SND1: variants seen among roughly 807,000 people sequenced by gnomAD.
The protein encoded by SND1 is staphylococcal nuclease and tudor domain containing 1, also known as staphylococcal nuclease domain-containing protein 1.
Under a neutral mutation model 121.7 loss-of-function variants are expected in SND1, and 38 were observed. That is an observed-to-expected ratio of 0.31 (90% CI 0.24 to 0.41). The LOEUF is 0.41. Among genes scored for constraint, SND1 ranks in the 10% least tolerant of loss-of-function variants. SND1 has a pLI of 1.00. For synonymous variants in SND1, 401 were observed against 447.4 expected (o/e 0.90, Z 1.31); for missense variants, 868 against 1,184.6 (o/e 0.73, Z 3.92).
At chr7:127,778,620 T>A (rs894204049) in intron 10 of SND1, among the ~76,000 whole-genome samples, 18 of 152,250 alleles carry the variant, frequency 1.2e-4, no homozygotes, top group African/African-American at 4.3e-4. Context: ...TGACTAATCT[T>A]GGATGAGTTA....
intron 12 of SND1, among the ~76,000 whole-genome samples, chr7:127,847,866 A>C (rs1395228572): frequency 1.3e-5 from 2 of 152,180 alleles, no homozygotes; most frequent in Non-Finnish European, 2.9e-5. Flanking sequence ...TCTGGGTGTT[A>C]GGTCAAACTT....
chr7:127,823,299 C>G (rs985060691), intron 11 of SND1, among the ~76,000 whole-genome samples: 2 of 152,308 alleles, frequency 1.3e-5, no homozygotes, highest in Non-Finnish European at 2.9e-5. Flanking sequence ...GTCTTTTTCC[C>G]TCCCAGGTGC....
chr7:127,843,102 T>C (rs1335749260), intron 11 of SND1, among the ~76,000 whole-genome samples: 1 of 150,448 alleles, frequency 6.6e-6, no homozygotes, highest in African/African-American at 2.4e-5. Context: ...AAAATGGACT[T>C]TTTTTTTTAG....
chr7:128,063,387 C>T (rs1490234039), intron 16 of SND1, among the ~76,000 whole-genome samples: 3 of 152,186 alleles, frequency 2.0e-5, no homozygotes, highest in Non-Finnish European at 4.4e-5. Context: ...CACTGCTGGC[C>T]TCACTGACTG....
rs200968109 is a variant in SND1 at position 127,694,951 on chromosome 7, G to A, written c.349+3G>A. On this transcript the variant is annotated splice_donor_region_variant and intron_variant, in intron 3 of 23. Coordinates refer to ENST00000354725, the MANE Select transcript of SND1 (RefSeq NM_014390.4). ...TGGCATGATCTACCTTGGAAAAGGT[G>A]AGCTGCAGGGAGAGGACTCATTTCT... The A allele has an allele frequency of 5.2e-4, 836 of 1,610,396 alleles. No individual in the cohort carries two copies. Among genetic ancestry groups the A allele is most frequent in the Non-Finnish European group, 6.7e-4 (795 of 1,177,852 alleles).
intron 15 of SND1, among the ~76,000 whole-genome samples, chr7:127,969,858 A>G (rs1223437084): frequency 6.6e-6 from 1 of 152,240 alleles, no homozygotes; most frequent in East Asian, 1.9e-4. Flanking sequence ...CAAATTCTGG[A>G]TATGCCCTTT....
chr7:127,769,083 C>T (rs1478474951), intron 10 of SND1, among the ~76,000 whole-genome samples: 1 of 152,106 alleles, frequency 6.6e-6, no homozygotes, highest in East Asian at 1.9e-4. Flanking sequence ...TGAATTGCTC[C>T]TGGATAAGTT....
At chr7:127,731,998 G>T (rs2116413052) in intron 10 of SND1, among the ~76,000 whole-genome samples, 1 of 152,298 alleles carries the variant, frequency 6.6e-6, no homozygotes, top group African/African-American at 2.4e-5. Context: ...TCTCTCTCTT[G>T]TCTCTTTATC....
chr7:127,717,954 A>G (rs1033299688), intron 9 of SND1, among the ~76,000 whole-genome samples: 7 of 152,182 alleles, frequency 4.6e-5, no homozygotes, highest in African/African-American at 1.7e-4. Flanking sequence ...GAGGCTGAAG[A>G]TAGGCATGGA....
intron 14 of SND1, among the ~76,000 whole-genome samples, chr7:127,910,279 A>C (rs908201687): frequency 2.0e-5 from 3 of 151,976 alleles, no homozygotes; most frequent in African/African-American, 7.3e-5. Context: ...ATCTCTACTA[A>C]AAAATACCAA....
intron 11 of SND1, among the ~76,000 whole-genome samples, chr7:127,821,751 T>C (rs1798553929): frequency 6.6e-6 from 1 of 152,190 alleles, no homozygotes; most frequent in South Asian, 2.1e-4. Context: ...AGCACATATA[T>C]GGATAAAGCA....
chr7:127,759,021 T>G (rs1372469549), intron 10 of SND1, among the ~76,000 whole-genome samples: 1 of 151,700 alleles, frequency 6.6e-6, no homozygotes, highest in African/African-American at 2.4e-5. Context: ...GCCACTGCAC[T>G]CTGGCCTGGG....
In SND1 at chr7:128,084,944, A is replaced by T. The variant is rs1584780893; in HGVS notation, c.2234+97A>T. 4.5e-6 allele frequency: 6 copies of T among 1,322,010 alleles called. No individual in the cohort carries two copies. The East Asian group carries it at 1.6e-4, about 35-fold the overall frequency. 81.9% of individuals were successfully genotyped at this position (1,322,010 alleles called of 1,614,324 possible). ...GTTGCCTTAGCAGTCTGGTTTCCCC[A>T]GCTGGTTAATGATGGCCCCTAGCAG... is the stretch of plus-strand genomic sequence containing the variant. On this transcript the variant is annotated intron_variant, in intron 19 of 23. Coordinates refer to ENST00000354725, the MANE Select transcript of SND1 (RefSeq NM_014390.4).
At chr7:127,911,570 G>A (rs1025705018) in intron 14 of SND1, among the ~76,000 whole-genome samples, 2 of 152,038 alleles carry the variant, frequency 1.3e-5, no homozygotes, top group Admixed American at 6.6e-5. Context: ...TGCCCAGGCT[G>A]GAGTGCAGTG....
In SND1 at chr7:127,694,731, G is replaced by C; in HGVS notation, c.229-97G>C. 2.8e-6 allele frequency: 4 copies of C among 1,420,550 alleles called. No individual in the cohort carries two copies. In the South Asian group the frequency reaches 5.1e-5, roughly 18 times the overall value. The allele number at this position is 1,420,550 out of a possible 1,614,324, so 88.0% of individuals were successfully genotyped here. A position where few individuals can be genotyped will look rare whatever the true frequency, so the allele number is the denominator to read the frequency against. On this transcript the variant is annotated intron_variant, in intron 2 of 23. Transcript: ENST00000354725. ...CAGCGCAGGGCCAGGACCATGGTAG[G>C]TACTCAGACATTTACTGAAGGTATG... is the stretch of plus-strand genomic sequence containing the variant.
rs1796479824 is a variant in SND1 at position 127,720,717 on chromosome 7, G to C, written c.1039-570G>C. On this transcript the variant is annotated intron_variant, in intron 9 of 23. Transcript: ENST00000354725. ...AAAGGTGGCTTTCAGAGTATCTGAG[G>C]TAATATCTCAGTAATTTCATGTTTC... 2.0e-5 allele frequency among the ~76,000 whole-genome samples: 3 copies of C among 152,168 alleles called. 1 individual carries two copies. The highest frequency in any genetic ancestry group is 2.0e-4 in the Admixed American group (3 of 15,276).
At chr7:127,811,899 A>AT (rs968994133) in intron 11 of SND1, among the ~76,000 whole-genome samples, 8 of 151,778 alleles carry the variant, frequency 5.3e-5, no homozygotes, top group Admixed American at 2.0e-4. Context: ...GAAGTAGACT[A>AT]TTTTTTTTGG....
At chr7:127,868,334 G>A (rs1196894707) in intron 12 of SND1, among the ~76,000 whole-genome samples, 1 of 152,178 alleles carries the variant, frequency 6.6e-6, no homozygotes. Context: ...GCAGGTAACT[G>A]TGATTGCACC....
In SND1 at chr7:128,017,534, C is replaced by T. The variant is rs1302087863; in HGVS notation, c.1779+26478C>T. Among the ~76,000 whole-genome samples, 3 of 152,200 alleles carry T rather than the reference C, an allele frequency of 2.0e-5. No homozygotes were observed. The East Asian group carries it at 5.8e-4, about 29-fold the overall frequency. On this transcript the variant is annotated intron_variant, in intron 16 of 23. Transcript: ENST00000354725. The stretch of plus-strand genomic sequence containing the variant: ...GGGGGACAAGTCAGGAAAAGATTGC[C>T]TAGCTGACTCTTCCCTGGTCTCAGT...
Sources: allele counts gnomAD v4.1 joint callset (sites outside exome capture counted in the v4.1 genomes callset), GRCh38; gene constraint gnomAD v4.1.1; transcripts MANE v1.5; gene names NCBI Gene and HGNC (gene_info 2026-07-23, HGNC 2026-07-21).